THSD7B: variants seen among roughly 807,000 people sequenced by gnomAD.
THSD7B encodes thrombospondin type 1 domain containing 7B, also known as thrombospondin type-1 domain-containing protein 7B.
THSD7B carries 138 observed loss-of-function variants against 213.6 expected under a neutral mutation model. That is an observed-to-expected ratio of 0.65 (90% CI 0.56 to 0.74). The LOEUF is 0.74. Ranked by LOEUF, THSD7B falls within the 30% of genes least tolerant of loss-of-function variation. The probability of loss-of-function intolerance (pLI) is 0.00; values close to 1 mark genes in which losing one functional copy is unlikely to be tolerated. For missense variants in THSD7B, 1,931 were observed against 1,991.5 expected (o/e 0.97, Z 0.58); for synonymous variants, 742 against 687.0 (o/e 1.08, Z -1.25).
intron 1 of THSD7B, among the ~76,000 whole-genome samples, chr2:136,812,368 T>TTGACC (rs1477429995): frequency 1.3e-5 from 2 of 152,206 alleles, no homozygotes; most frequent in African/African-American, 4.8e-5. Flanking sequence ...AGTACTTTAG[T>TTGACC]TGACCTGAAG....
chr2:136,912,784 C>A (rs533699580), intron 2 of THSD7B, among the ~76,000 whole-genome samples: 1 of 152,272 alleles, frequency 6.6e-6, no homozygotes, highest in African/African-American at 2.4e-5. Flanking sequence ...TCACCTCCTG[C>A]CATGATTCTG....
chr2:137,101,538 G>A lies in THSD7B; in HGVS notation c.1199+6417G>A, dbSNP rs185262752. Among the ~76,000 whole-genome samples, 394 of 152,306 alleles carry A rather than the reference G, an allele frequency of 2.6e-3. 3 individuals carry two copies. The highest frequency in any genetic ancestry group is 9.3e-3 in the African/African-American group (386 of 41,558). ...TGGCACCTGGAACACCAGCGAGACA[G>A]AACCATTCACTCTCCTGGAAAGGGG... is the stretch of plus-strand genomic sequence containing the variant. On this transcript the variant is annotated intron_variant, in intron 4 of 27. Coordinates refer to ENST00000409968, the MANE Select transcript of THSD7B (RefSeq NM_001316349.2).
chr2:137,514,284 G>T, intron 15 of THSD7B, among the ~76,000 whole-genome samples: 1 of 152,152 alleles, frequency 6.6e-6, no homozygotes. Flanking sequence ...CTCAATCCGG[G>T]TGGGCACCAT....
intron 1 of THSD7B, among the ~76,000 whole-genome samples, chr2:136,851,218 A>G (rs981075968): frequency 1.3e-5 from 2 of 152,064 alleles, no homozygotes; most frequent in Non-Finnish European, 2.9e-5. Context: ...GCGAAGTCTC[A>G]TCTCTTATTT....
intron 20 of THSD7B, among the ~76,000 whole-genome samples, chr2:137,633,446 A>AAT (rs1682777926): frequency 1.3e-5 from 2 of 152,166 alleles, no homozygotes; most frequent in Admixed American, 6.5e-5. Flanking sequence ...CAAAAGGTAG[A>AAT]TCTAAGTGCA....
At chr2:137,215,862 C>T (rs1681227926) in intron 7 of THSD7B, among the ~76,000 whole-genome samples, 1 of 152,048 alleles carries the variant, frequency 6.6e-6, no homozygotes, top group South Asian at 2.1e-4. Context: ...TTATGCATTC[C>T]TTAAATAGGT....
chr2:136,964,331 A>G (rs543903815), intron 2 of THSD7B, among the ~76,000 whole-genome samples: 1 of 152,170 alleles, frequency 6.6e-6, no homozygotes, highest in Non-Finnish European at 1.5e-5. Flanking sequence ...AGGCTGAGGC[A>G]GGAGGATTGC....
At chr2:137,142,497 C>A (rs1031640444) in intron 5 of THSD7B, among the ~76,000 whole-genome samples, 12 of 152,106 alleles carry the variant, frequency 7.9e-5, no homozygotes, top group Non-Finnish European at 1.6e-4. Context: ...CAAACCGTAG[C>A]AAGAAGACTT....
At chr2:136,861,654 T>C (rs1683261138) in intron 1 of THSD7B, among the ~76,000 whole-genome samples, 1 of 152,230 alleles carries the variant, frequency 6.6e-6, no homozygotes, top group Non-Finnish European at 1.5e-5. Flanking sequence ...TGTTACTGAC[T>C]CTCCCTTTTT....
At chr2:137,252,266 C>CA (rs1182130976) in intron 10 of THSD7B, among the ~76,000 whole-genome samples, 41,850 of 59,536 alleles carry the variant, frequency 0.7, 15,640 homozygotes, top group Non-Finnish European at 0.79. Context: ...GACTCTGTCT[C>CA]AAAAAAAAAA....
intron 14 of THSD7B, among the ~76,000 whole-genome samples, chr2:137,428,583 T>G (rs761518548): frequency 5.9e-5 from 9 of 152,158 alleles, no homozygotes; most frequent in Non-Finnish European, 1.3e-4. Context: ...GTATACTTTC[T>G]CTATAAAGCA....
intron 17 of THSD7B, among the ~76,000 whole-genome samples, chr2:137,572,832 G>A (rs1340898512): frequency 1.3e-5 from 2 of 152,080 alleles, no homozygotes; most frequent in Non-Finnish European, 2.9e-5. Flanking sequence ...ATTCAACTGT[G>A]CACCCATTGT....
intron 2 of THSD7B, among the ~76,000 whole-genome samples, chr2:136,897,800 AT>A (rs1247190981): frequency 6.6e-6 from 1 of 151,470 alleles, no homozygotes; most frequent in African/African-American, 2.4e-5. Context: ...CAGAGTGCTG[AT>A]TGGTGCGCTT....
chr2:136,888,185 T>A (rs1683751670), intron 2 of THSD7B, among the ~76,000 whole-genome samples: 1 of 152,116 alleles, frequency 6.6e-6, no homozygotes, highest in African/African-American at 2.4e-5. Flanking sequence ...TCTAAAACTT[T>A]ATATATGCCA....
At chr2:137,572,282 T>G in intron 16 of THSD7B, 124 bp from the exon 17 acceptor site, 1 of 1,191,346 alleles carries the variant, frequency 8.4e-7, no homozygotes, top group Non-Finnish European at 1.2e-6. Flanking sequence ...TTGTTCCCCT[T>G]GGTTTCTGTG....
rs994486165 is a variant in THSD7B, at chr2:136,780,182, G to T, written c.-36+14495G>T. On this transcript the variant is annotated intron_variant, in intron 1 of 27. Transcript: ENST00000409968. ...CACAGTTCTGATGGCTGGGAAGTGC[G>T]AGATCAAGGCATTGGCAAGTTCCTT... Among the ~76,000 whole-genome samples, 10 of 152,142 alleles carry T rather than the reference G, an allele frequency of 6.6e-5. No homozygotes were observed. In the South Asian group the frequency reaches 2.1e-3, roughly 32 times the overall value.
intron 17 of THSD7B, among the ~76,000 whole-genome samples, chr2:137,575,330 G>A (rs1348601606): frequency 6.6e-6 from 1 of 151,978 alleles, no homozygotes; most frequent in African/African-American, 2.4e-5. Context: ...CCCAGACAGG[G>A]AGCAGTACAT....
At chr2:137,072,847 A>C (rs1573803938) in intron 3 of THSD7B, among the ~76,000 whole-genome samples, 1 of 152,320 alleles carries the variant, frequency 6.6e-6, no homozygotes, top group Non-Finnish European at 1.5e-5. Flanking sequence ...CCTTTTCTGC[A>C]TCTATTGAGA....
At position 137,450,719 on chromosome 2, in the gene THSD7B, A is replaced by G. The variant is rs912226643; in HGVS notation, c.2960-126A>G. The G allele has an allele frequency of 1.4e-5, 10 of 695,700 alleles. No homozygotes were observed. The African/African-American group carries it at 1.5e-4, about 10-fold the overall frequency. The allele number at this position is 695,700 out of a possible 1,614,324, so 43.1% of individuals were successfully genotyped here. A position where few individuals can be genotyped will look rare whatever the true frequency, so the allele number is the denominator to read the frequency against. ...AAAATTTTGGTCTGTTTATCTGAGA[A>G]CAAAATTATTGAAGCCACTACAGCA... On this transcript the variant is annotated intron_variant, in intron 14 of 27. Coordinates refer to ENST00000409968, the MANE Select transcript of THSD7B (RefSeq NM_001316349.2).
Sources: allele counts gnomAD v4.1 joint callset (sites outside exome capture counted in the v4.1 genomes callset), GRCh38; gene constraint gnomAD v4.1.1; transcripts MANE v1.5; gene names NCBI Gene and HGNC (gene_info 2026-07-23, HGNC 2026-07-21).